SUMF2: variants seen among roughly 807,000 people sequenced by gnomAD.
SUMF2 encodes the protein sulfatase modifying factor 2.
SUMF2 carries 45 observed loss-of-function variants against 44.8 expected under a neutral mutation model. The observed-to-expected ratio is 1.00, with a 90% CI of 0.79 to 1.29. The LOEUF is 1.29. SUMF2 is among the 50% of genes most tolerant of loss of function. The pLI, the probability that SUMF2 is intolerant of heterozygous loss-of-function variation, is 0.00. For missense variants in SUMF2, 418 were observed against 389.9 expected (o/e 1.07, Z -0.61); for synonymous variants, 148 against 150.4 (o/e 0.98, Z 0.12).
At chr7:56,071,022 C>A (rs532972612) in intron 2 of SUMF2, among the ~76,000 whole-genome samples, 2 of 152,106 alleles carry the variant, frequency 1.3e-5, no homozygotes, top group Non-Finnish European at 2.9e-5. Context: ...TGGAGGTGAC[C>A]GATGGAACTA....
Position 56,074,100 on chromosome 7 carries a change from G to A in SUMF2, c.340-74G>A, listed in dbSNP as rs770792694. On this transcript the variant is annotated intron_variant, in intron 3 of 8. Transcript: ENST00000434526. ...TCTCAGCCTGACGTCTCTGTTCTGCGTCCTGTGGCTCAGTCGGGGAGGTGC... is the reference window on the plus strand; with the variant it reads ...TCTCAGCCTGACGTCTCTGTTCTGCATCCTGTGGCTCAGTCGGGGAGGTGC... The A allele has an allele frequency of 7.3e-6, 10 of 1,363,228 alleles. No individual in the cohort carries two copies. In the South Asian group the frequency reaches 8.1e-5, roughly 11 times the overall value. The allele number at this position is 1,363,228 out of a possible 1,614,324, so 84.4% of individuals were successfully genotyped here. A position where few individuals can be genotyped will look rare whatever the true frequency, so the allele number is the denominator to read the frequency against.
downstream of SUMF2, chr7:56,081,830 C>T: frequency 6.2e-7 from 1 of 1,609,050 alleles, no homozygotes; most frequent in Admixed American, 1.7e-5. The surrounding 1 kb of genome is among the most constrained non-coding windows in gnomAD (Gnocchi z 4.6). Flanking sequence ...GCAGGGCCTC[C>T]CCGGGCAGGG....
At chr7:56,073,823 C>T (rs546905431) in intron 3 of SUMF2, 1 of 251,444 alleles carries the variant, frequency 4.0e-6, no homozygotes, top group Non-Finnish European at 7.7e-6. Context: ...CCAGCCTGGG[C>T]AACATAGATC....
rs569125053 is a variant in SUMF2 at position 56,068,652 on chromosome 7, TCTTC to T, written c.224+16_224+19del. The T allele has an allele frequency of 2.5e-3, 4,010 of 1,611,784 alleles. 106 individuals are homozygous for T. Among genetic ancestry groups the T allele is most frequent in the Non-Finnish European group, 3.1e-4 (367 of 1,179,164 alleles). On this transcript the variant is annotated intron_variant, in intron 2 of 8. Transcript: ENST00000434526. Reference sequence around the variant, plus strand: ...CAAAGATTTCAGGTACATCAGGTATTCTTCCAGGAGGAATGAAGACCCTCTCTAA... The same window carrying T: ...CAAAGATTTCAGGTACATCAGGTATTCAGGAGGAATGAAGACCCTCTCTAA...
chr7:56,087,632 G>GTCCACC, the SUMF2 span: 1 of 1,613,952 alleles, frequency 6.2e-7, no homozygotes, highest in Non-Finnish European at 8.5e-7. Flanking sequence ...TGCGCAGGAT[G>GTCCACC]TCCACCTCCT....
chr7:56,086,805 A>G, the SUMF2 span: 3 of 617,880 alleles, frequency 4.9e-6, no homozygotes, highest in Non-Finnish European at 5.9e-6. Context: ...AGGTTTCCAA[A>G]GCCGGCAGCC....
the SUMF2 span, among the ~76,000 whole-genome samples, chr7:56,085,794 G>C: frequency 1.4e-4 from 21 of 152,030 alleles, no homozygotes; most frequent in African/African-American, 4.8e-4. Flanking sequence ...GCAAAACCCT[G>C]TCTCTACTAA....
downstream of SUMF2, chr7:56,081,246 C>T (rs762902976): frequency 6.2e-7 from 1 of 1,613,352 alleles, no homozygotes; most frequent in South Asian, 1.1e-5. This position sits in a 1 kb window ranked among gnomAD's most constrained non-coding sequence, Gnocchi z 4.6. Context: ...CAGGCTTCAC[C>T]CGGCGGTACT....
intron 2 of SUMF2, among the ~76,000 whole-genome samples, chr7:56,069,480 T>TAC (rs1237299556): frequency 1.3e-5 from 2 of 152,048 alleles, no homozygotes; most frequent in East Asian, 1.9e-4. Flanking sequence ...TAAATATACA[T>TAC]ACACACACAT....
chr7:56,082,235 C>T, downstream of SUMF2: 1 of 1,613,582 alleles, frequency 6.2e-7, no homozygotes. Context: ...GGCCAGGTAA[C>T]TGGGGGTCCC....
At chr7:56,087,495 T>G in the SUMF2 span, 1 of 1,089,128 alleles carries the variant, frequency 9.2e-7, no homozygotes, top group Admixed American at 2.0e-5. Context: ...TGAGCCTGGG[T>G]GGTTCTAGTT....
chr7:56,087,514 G>A, the SUMF2 span: 21 of 1,362,604 alleles, frequency 1.5e-5, no homozygotes, highest in African/African-American at 2.8e-5. Context: ...TTGGCTGTGC[G>A]GTGGGGCCAC....
At chr7:56,082,124 C>T (rs200245343), downstream of SUMF2, 80 of 1,612,138 alleles carry the variant, frequency 5.0e-5, no homozygotes, top group East Asian at 1.2e-3. Context: ...CTCCCTTGCC[C>T]AGCCTAGCTG....
chr7:56,078,334 G>A, intron 7 of SUMF2, 30 bp from the exon 8 acceptor site: 1 of 1,573,004 alleles, frequency 6.4e-7, no homozygotes, highest in Non-Finnish European at 8.7e-7. Context: ...GCGGGTCCCA[G>A]CCTGGCCTGA....
chr7:56,077,934 G>A (rs1246386003), intron 6 of SUMF2, among the ~76,000 whole-genome samples, 168 bp from the exon 7 acceptor site: 2 of 152,104 alleles, frequency 1.3e-5, no homozygotes, highest in South Asian at 2.1e-4. Context: ...CCCTGGGGAT[G>A]TAAGGTGATG....
chr7:56,079,742 T>C lies in SUMF2; in HGVS notation c.*130T>C. On this transcript the variant is annotated 3_prime_UTR_variant, in exon 9 of 9. Coordinates refer to ENST00000434526, the MANE Select transcript of SUMF2 (RefSeq NM_015411.4). Reference sequence around the variant, plus strand: ...AGAACTTCCCCTTCCCTGTCTCCCATCCCTCTGTGGCAGGCGCCTCTCACC... The same window carrying C: ...AGAACTTCCCCTTCCCTGTCTCCCACCCCTCTGTGGCAGGCGCCTCTCACC... 1.9e-6 allele frequency: 3 copies of C among 1,579,414 alleles called. 1 individual carries two copies. The South Asian group carries it at 3.4e-5, about 18-fold the overall frequency.
At chr7:56,073,453 G>C (rs1795312815) in intron 3 of SUMF2, 1 of 344,054 alleles carries the variant, frequency 2.9e-6, no homozygotes. Context: ...AGGAGTTCAA[G>C]ACCAACATGG....
At chr7:56,064,606 G>C (rs1387814674) in intron 1 of SUMF2, among the ~76,000 whole-genome samples, 2 of 152,150 alleles carry the variant, frequency 1.3e-5, no homozygotes, top group African/African-American at 4.8e-5. Flanking sequence ...GGGCGCGGTG[G>C]CTCGAGCCTG....
At chr7:56,084,537 C>G (rs1444763549), downstream of SUMF2, among the ~76,000 whole-genome samples, 2 of 152,016 alleles carry the variant, frequency 1.3e-5, no homozygotes, top group African/African-American at 4.8e-5. Flanking sequence ...CCACACCCAG[C>G]TAATTTTTGT....
Sources: gnomAD v4.1 joint callset for allele counts (sites outside exome capture counted in the v4.1 genomes callset) on GRCh38, gnomAD v4.1.1 for gene constraint, Gnocchi (gnomAD v3.1) non-coding constraint, MANE v1.5 for transcripts, NCBI Gene and HGNC (gene_info 2026-07-23, HGNC 2026-07-21) for gene names.